Variants in AGTR1 observed in about 807,000 individuals in gnomAD.
AGTR1 encodes type-1 angiotensin II receptor.
Under a neutral mutation model 19.4 loss-of-function variants are expected in AGTR1, and 16 were observed. That is an observed-to-expected ratio of 0.82 (90% CI 0.56 to 1.25). AGTR1 has a LOEUF of 1.25. Among genes scored for constraint, AGTR1 ranks in the 50% most tolerant of loss-of-function variants. The pLI, the probability that AGTR1 is intolerant of heterozygous loss-of-function variation, is 0.00. For missense variants in AGTR1, 373 were observed against 431.9 expected (o/e 0.86, Z 1.21); for synonymous variants, 153 against 154.9 (o/e 0.99, Z 0.09).
chr3:148,714,824 G>T (rs1366109165), intron 2 of AGTR1, among the ~76,000 whole-genome samples: 1 of 152,028 alleles, frequency 6.6e-6, no homozygotes, highest in African/African-American at 2.4e-5. Flanking sequence ...AATATGCATT[G>T]CCTATCACTG....
At chr3:148,699,769 C>G (rs36020779) in intron 1 of AGTR1, among the ~76,000 whole-genome samples, 2 of 152,266 alleles carry the variant, frequency 1.3e-5, no homozygotes, top group East Asian at 3.9e-4. Flanking sequence ...TTTTGTGATT[C>G]TTAGTTTCAA....
chr3:148,733,334 C>T (rs1019427314), intron 2 of AGTR1, among the ~76,000 whole-genome samples: 1 of 152,098 alleles, frequency 6.6e-6, no homozygotes, highest in African/African-American at 2.4e-5. Flanking sequence ...AAATGAATTG[C>T]CATGTGGCCA....
chr3:148,739,554 G>A (rs1223623629), intron 2 of AGTR1, among the ~76,000 whole-genome samples: 1 of 152,178 alleles, frequency 6.6e-6, no homozygotes, highest in East Asian at 1.9e-4. Context: ...ATGAGGACAT[G>A]CAACCAAAAA....
intron 1 of AGTR1, among the ~76,000 whole-genome samples, chr3:148,699,182 G>A (rs1454819793): frequency 1.3e-5 from 2 of 152,158 alleles, no homozygotes; most frequent in African/African-American, 4.8e-5. Context: ...TCTGAGAAGA[G>A]AAAGTAATAG....
At position 148,741,698 on chromosome 3, in the gene AGTR1, C is replaced by T. The variant is rs1257806320; in HGVS notation, c.663C>T (p.Ala221=). Residue 221 remains alanine, a synonymous_variant, in exon 3 of 3, where the codon GCC becomes GCT. Coordinates refer to ENST00000349243, the MANE Select transcript of AGTR1 (RefSeq NM_000685.5). ...ILTSYTLIWK[A]LKKAYEIQKN... ...CAAGTTATACTCTTATTTGGAAGGC[C>T]CTAAAGAAGGCTTATGAAATTCAGA... is the stretch of plus-strand genomic sequence containing the variant. 1 of 1,613,712 alleles carries T rather than the reference C, an allele frequency of 6.2e-7. No homozygotes were observed. Among genetic ancestry groups the T allele is most frequent in the African/African-American group, 1.3e-5 (1 of 74,916 alleles).
chr3:148,740,041 T>C, intron 2 of AGTR1: 2 of 1,114,666 alleles, frequency 1.8e-6, no homozygotes, highest in Non-Finnish European at 2.3e-6. Flanking sequence ...GTTGATTTTC[T>C]AAATCACATA....
At chr3:148,717,526 A>T (rs1454685902) in intron 2 of AGTR1, among the ~76,000 whole-genome samples, 1 of 152,156 alleles carries the variant, frequency 6.6e-6, no homozygotes, top group African/African-American at 2.4e-5. Flanking sequence ...GCAGCATTTT[A>T]AAAAAATATA....
chr3:148,708,058 T>G (rs1712770436), intron 2 of AGTR1, 31 bp downstream of exon 2: 1 of 152,120 alleles, frequency 6.6e-6, no homozygotes, highest in Admixed American at 6.6e-5. Flanking sequence ...GCAGTGGGTC[T>G]GTCAGCAGTT....
In AGTR1 at chr3:148,742,185, T is replaced by G. The variant is rs5185; in HGVS notation, c.*70T>G. On this transcript the variant is annotated 3_prime_UTR_variant, in exon 3 of 3. Coordinates refer to ENST00000349243, the MANE Select transcript of AGTR1 (RefSeq NM_000685.5). ...CAAGAGAACATTCCTCTGCAGCACTTCACTACCAAATGAGCATTAGCTACT... is the reference window on the plus strand; with the variant it reads ...CAAGAGAACATTCCTCTGCAGCACTGCACTACCAAATGAGCATTAGCTACT... 7,356 of 1,579,208 alleles carry G rather than the reference T, an allele frequency of 4.7e-3. 286 individuals carry two copies. The African/African-American group carries it at 0.082, about 18-fold the overall frequency.
At chr3:148,727,383 G>A (rs1297538829) in intron 2 of AGTR1, among the ~76,000 whole-genome samples, 2 of 152,292 alleles carry the variant, frequency 1.3e-5, no homozygotes, top group Admixed American at 6.5e-5. Context: ...AGTTCAGACC[G>A]GAAGGATACA....
At chr3:148,704,037 T>TA (rs1205897586) in intron 1 of AGTR1, among the ~76,000 whole-genome samples, 1 of 152,104 alleles carries the variant, frequency 6.6e-6, no homozygotes, top group Admixed American at 6.6e-5. Context: ...TAAAGCTTTT[T>TA]AAAAAAATAG....
chr3:148,741,333 C>G lies in AGTR1; in HGVS notation c.298C>G (p.Leu100Val), dbSNP rs765894072. 1 of 1,608,922 alleles carries G rather than the reference C, an allele frequency of 6.2e-7. No individual in the cohort carries two copies. The highest frequency in any genetic ancestry group is 8.5e-7 in the Non-Finnish European group (1 of 1,179,894). ...MEYRWPFGNY[L>V]CKIASASVSF... ...ATACCGCTGGCCCTTTGGCAATTAC[C>G]TATGTAAGATTGCTTCAGCCAGCGT... The change falls in exon 3 of 3, where the codon CTA (leucine) becomes GTA (valine). Residue 100 changes from leucine (L) to valine (V), a missense_variant. Physicochemically the swap from Leu to Val is conservative, Grantham distance 32 (BLOSUM62 1). Transcript: ENST00000349243.
intron 2 of AGTR1, among the ~76,000 whole-genome samples, chr3:148,714,662 C>A (rs1361334765): frequency 6.6e-6 from 1 of 152,102 alleles, no homozygotes; most frequent in Non-Finnish European, 1.5e-5. Context: ...GAAATGTTCC[C>A]CAAACTGCAG....
chr3:148,730,534 G>A (rs1714195579), intron 2 of AGTR1: 1 of 250,464 alleles, frequency 4.0e-6, no homozygotes, highest in South Asian at 1.8e-4. Flanking sequence ...TTCAGTTTTT[G>A]ATGCTTCATA....
rs1334756704 is a variant in AGTR1, at chr3:148,742,997, A to G, written c.*882A>G. On this transcript the variant is annotated 3_prime_UTR_variant, in exon 3 of 3. Coordinates refer to ENST00000349243, the MANE Select transcript of AGTR1 (RefSeq NM_000685.5). ...ATTTACTTTAAAATAAAATAATTTT[A>G]TTGCAATGTATTTATCTTCATTACT... is the stretch of plus-strand genomic sequence containing the variant. 6.3e-6 allele frequency: 1 copy of G among 157,878 alleles called. No homozygotes were observed. Among genetic ancestry groups the G allele is most frequent in the African/African-American group, 2.4e-5 (1 of 41,446 alleles). 9.8% of individuals were successfully genotyped at this position (157,878 alleles called of 1,614,324 possible). A position where few individuals can be genotyped will look rare whatever the true frequency, so the allele number is the denominator to read the frequency against.
chr3:148,699,033 C>T (rs143076753), intron 1 of AGTR1, among the ~76,000 whole-genome samples: 38 of 152,138 alleles, frequency 2.5e-4, no homozygotes, highest in African/African-American at 9.2e-4. Flanking sequence ...TTGAGCCCAC[C>T]TGGGCCTCTT....
intron 1 of AGTR1, among the ~76,000 whole-genome samples, chr3:148,706,957 T>C (rs1376093227): frequency 6.6e-6 from 1 of 152,024 alleles, no homozygotes; most frequent in African/African-American, 2.4e-5. Context: ...ATTTATTATA[T>C]AGATACATTC....
intron 1 of AGTR1, among the ~76,000 whole-genome samples, chr3:148,699,722 G>T (rs980035265): frequency 6.6e-6 from 1 of 152,194 alleles, no homozygotes; most frequent in Non-Finnish European, 1.5e-5. Context: ...TATAGAAACT[G>T]CCCATCATAA....
intron 2 of AGTR1, among the ~76,000 whole-genome samples, chr3:148,723,390 A>G (rs1713754812): frequency 6.6e-6 from 1 of 152,236 alleles, no homozygotes; most frequent in South Asian, 2.1e-4. Context: ...TCATCTAGCC[A>G]GGGCCACTGA....
Sources: allele counts gnomAD v4.1 joint callset (sites outside exome capture counted in the v4.1 genomes callset), GRCh38; gene constraint gnomAD v4.1.1; transcripts MANE v1.5; gene names NCBI Gene and HGNC (gene_info 2026-07-23, HGNC 2026-07-21).